INTS4: variants seen among roughly 807,000 people sequenced by gnomAD.
INTS4 encodes the protein integrator complex subunit 4.
Under a neutral mutation model 119.5 loss-of-function variants are expected in INTS4, and 70 were observed. The observed-to-expected ratio is 0.59, with a 90% CI of 0.48 to 0.71. INTS4 has a LOEUF of 0.71. Among genes scored for constraint, INTS4 ranks in the 30% least tolerant of loss-of-function variants. The pLI, the probability that INTS4 is intolerant of heterozygous loss-of-function variation, is 0.00. For synonymous variants in INTS4, 316 were observed against 419.6 expected (o/e 0.75, Z 3.02); for missense variants, 867 against 1,173.2 (o/e 0.74, Z 3.81).
intron 1 of INTS4, 33 bp downstream of exon 1, chr11:77,994,557 G>T: frequency 6.5e-7 from 1 of 1,527,034 alleles, no homozygotes; most frequent in Non-Finnish European, 9.1e-7. Flanking sequence ...CCCTGGTCCG[G>T]ATCGGTTCTG....
At chr11:77,877,780 G>A (rs1951640598), downstream of INTS4, among the ~76,000 whole-genome samples, 1 of 151,540 alleles carries the variant, frequency 6.6e-6, no homozygotes, top group African/African-American at 2.4e-5. Flanking sequence ...ATGGGGTCTC[G>A]CTATGTTGCC....
intron 15 of INTS4, among the ~76,000 whole-genome samples, chr11:77,917,464 C>A (rs1447768267): frequency 6.6e-6 from 1 of 151,764 alleles, no homozygotes; most frequent in Non-Finnish European, 1.5e-5. Context: ...CAGGCGCGTG[C>A]CACCACACCT....
At chr11:77,925,410 A>C (rs1953472253) in intron 11 of INTS4, among the ~76,000 whole-genome samples, 1 of 152,260 alleles carries the variant, frequency 6.6e-6, no homozygotes, top group Non-Finnish European at 1.5e-5. Flanking sequence ...ACATAAAGTG[A>C]GCACATGCTA....
At chr11:77,923,542 T>C (rs946439206) in intron 12 of INTS4, among the ~76,000 whole-genome samples, 5 of 152,110 alleles carry the variant, frequency 3.3e-5, no homozygotes, top group African/African-American at 1.2e-4. Flanking sequence ...TGTCTGAAAC[T>C]AAGTAGCCTT....
At chr11:77,924,728 A>T (rs1306227483) in intron 12 of INTS4, 22 bp downstream of exon 12, 1 of 1,596,706 alleles carries the variant, frequency 6.3e-7, no homozygotes, top group Non-Finnish European at 8.6e-7. Flanking sequence ...CTCAGTGAGT[A>T]AATGGGCAAA....
At chr11:77,974,238 C>CTTTTTTTTTTTTTTTTTTTTTTTTTT (rs60093605) in intron 4 of INTS4, among the ~76,000 whole-genome samples, 1 of 84,334 alleles carries the variant, frequency 1.2e-5, no homozygotes, top group Admixed American at 1.4e-4. Flanking sequence ...TTTTTCTTTT[C>CTTTTTTTTTTTTTTTTTTTTTTTTTT]TTTTTTTTTT....
At chr11:77,993,042 A>T (rs1177737836) in intron 1 of INTS4, among the ~76,000 whole-genome samples, 1 of 152,220 alleles carries the variant, frequency 6.6e-6, no homozygotes, top group East Asian at 1.9e-4. Context: ...AGCTGTAGTT[A>T]GGTCAAAAGC....
intron 4 of INTS4, among the ~76,000 whole-genome samples, chr11:77,972,492 C>T (rs564135745): frequency 6.6e-6 from 1 of 151,970 alleles, no homozygotes; most frequent in Non-Finnish European, 1.5e-5. Flanking sequence ...TCACAGCTCA[C>T]TGCAACCTCC....
chr11:77,924,809 T>C lies in INTS4; in HGVS notation c.1455A>G (p.Ala485=), dbSNP rs144277900. ...NVSTKEGIHL[A]LVELLKNLTK... Reference sequence around the variant, plus strand: ...TTAAATTTTTCAGCAGCTCCACCAATGCAAGATGAATCCCTTCTTTGGTTG... The same window carrying C: ...TTAAATTTTTCAGCAGCTCCACCAACGCAAGATGAATCCCTTCTTTGGTTG... Residue 485 remains alanine, a synonymous_variant, in exon 12 of 23, where the codon GCA becomes GCG. Coordinates refer to ENST00000534064, the MANE Select transcript of INTS4 (RefSeq NM_033547.4). The C allele has an allele frequency of 9.4e-4, 1,506 of 1,597,198 alleles. 5 individuals carry two copies. In the African/African-American group the frequency reaches 0.018, roughly 19 times the overall value.
chr11:77,982,818 G>A (rs188658102), intron 2 of INTS4, among the ~76,000 whole-genome samples: 53 of 152,246 alleles, frequency 3.5e-4, no homozygotes, highest in African/African-American at 1.2e-3. Flanking sequence ...AAAGGATAAG[G>A]TGCTTTTCAA....
chr11:77,982,486 G>C (rs192129714), intron 2 of INTS4, among the ~76,000 whole-genome samples: 45 of 152,182 alleles, frequency 3.0e-4, no homozygotes, highest in Admixed American at 3.0e-3. Context: ...TCTGGAGGAG[G>C]CAAGTGTGAC....
At position 77,922,478 on chromosome 11, in the gene INTS4, C is replaced by T. The variant is rs553790456; in HGVS notation, c.1515-7G>A. 582 of 1,303,782 alleles carry T rather than the reference C, an allele frequency of 4.5e-4. 6 individuals are homozygous for T. In the African/African-American group the frequency reaches 8.0e-3, roughly 18 times the overall value. The allele number at this position is 1,303,782 out of a possible 1,614,324, so 80.8% of individuals were successfully genotyped here. The stretch of plus-strand genomic sequence containing the variant: ...TCCCAGAAACTTCAAGCACCTGAAA[C>T]AAACAAATAAGAATGCACATCAACA... On this transcript the variant is annotated splice_region_variant and splice_polypyrimidine_tract_variant and intron_variant, in intron 12 of 22. Transcript: ENST00000534064.
intron 11 of INTS4, among the ~76,000 whole-genome samples, chr11:77,925,364 T>A (rs928292848): frequency 6.6e-6 from 1 of 152,204 alleles, no homozygotes; most frequent in African/African-American, 2.4e-5. Context: ...ATGAAAAAGT[T>A]TGAAATATTG....
At chr11:77,899,756 G>A (rs1952696175) in intron 18 of INTS4, among the ~76,000 whole-genome samples, 1 of 151,966 alleles carries the variant, frequency 6.6e-6, no homozygotes, top group African/African-American at 2.4e-5. Flanking sequence ...GACATGACAA[G>A]ATAAGCATAT....
At chr11:77,955,469 G>A (rs1277812674) in intron 8 of INTS4, among the ~76,000 whole-genome samples, 1 of 151,490 alleles carries the variant, frequency 6.6e-6, no homozygotes, top group Non-Finnish European at 1.5e-5. Context: ...TTGGCTGGGT[G>A]TAGTGGCTCA....
intron 8 of INTS4, among the ~76,000 whole-genome samples, chr11:77,943,192 G>C (rs574729760): frequency 3.9e-5 from 6 of 152,126 alleles, no homozygotes; most frequent in African/African-American, 1.4e-4. Context: ...CTGCGCGCTC[G>C]TCCAACACAG....
chr11:77,981,018 C>T lies in INTS4; in HGVS notation c.364+441G>A, dbSNP rs114339405. On this transcript the variant is annotated intron_variant, in intron 3 of 22. Transcript: ENST00000534064. ...AAAAAAAAAAAGTTTCTTGATGGAA[C>T]GAGTACTGTATGTTCAGTTACAGGT... Among the ~76,000 whole-genome samples, 741 of 151,368 alleles carry T rather than the reference C, an allele frequency of 4.9e-3. 5 individuals carry two copies. Among genetic ancestry groups the T allele is most frequent in the African/African-American group, 0.018 (723 of 41,288 alleles).
chr11:77,937,251 A>C (rs1353699528), intron 10 of INTS4, among the ~76,000 whole-genome samples: 1 of 152,236 alleles, frequency 6.6e-6, no homozygotes, highest in Non-Finnish European at 1.5e-5. Flanking sequence ...TATTTGATTC[A>C]AGAAGCTCAA....
chr11:77,943,392 G>A (rs1162611412), intron 8 of INTS4, among the ~76,000 whole-genome samples: 2 of 152,226 alleles, frequency 1.3e-5, no homozygotes, highest in Admixed American at 6.5e-5. Flanking sequence ...AGTGGAAATG[G>A]AGAAGGGATG....
Sources: gnomAD v4.1 joint callset for allele counts (sites outside exome capture counted in the v4.1 genomes callset) on GRCh38, gnomAD v4.1.1 for gene constraint, MANE v1.5 for transcripts, NCBI Gene and HGNC (gene_info 2026-07-23, HGNC 2026-07-21) for gene names.